NSUN6: variants seen among roughly 807,000 people sequenced by gnomAD.
The protein encoded by NSUN6 is tRNA (cytosine(72)-C(5))-methyltransferase NSUN6.
NSUN6 carries 64 observed loss-of-function variants against 58.0 expected under a neutral mutation model. The ratio of observed to expected loss-of-function variants is 1.10; its 90% CI spans 0.90 to 1.36. The LOEUF (loss-of-function observed/expected upper bound fraction) is 1.36, where lower values mean the gene tolerates loss of function less well. Among genes scored for constraint, NSUN6 ranks in the 40% most tolerant of loss-of-function variants. NSUN6 has a pLI of 0.00. For synonymous variants in NSUN6, 231 were observed against 193.9 expected, an observed-to-expected ratio of 1.19 and a Z score of -1.59; for missense variants, 701 against 550.1, an observed-to-expected ratio of 1.27 and a Z score of -2.74.
intron 9 of NSUN6, among the ~76,000 whole-genome samples, chr10:18,551,044 A>T (rs1201439293): frequency 1.3e-5 from 2 of 152,160 alleles, no homozygotes; most frequent in Non-Finnish European, 2.9e-5. Context: ...ATTTTTTTAA[A>T]AAAAAGAGTA....
intron 9 of NSUN6, among the ~76,000 whole-genome samples, chr10:18,549,706 G>C (rs889138487): frequency 6.6e-6 from 1 of 152,074 alleles, no homozygotes; most frequent in Non-Finnish European, 1.5e-5. Context: ...AAATGGACTT[G>C]TCTGAAATAC....
intron 2 of NSUN6, among the ~76,000 whole-genome samples, chr10:18,644,153 G>A (rs1406567236): frequency 6.6e-6 from 1 of 152,154 alleles, no homozygotes; most frequent in African/African-American, 2.4e-5. Context: ...CACGCTCACT[G>A]GCAGTCAATC....
intron 7 of NSUN6, among the ~76,000 whole-genome samples, chr10:18,587,674 G>C (rs1161261124): frequency 6.6e-6 from 1 of 152,122 alleles, no homozygotes; most frequent in African/African-American, 2.4e-5. Flanking sequence ...ACTCACCCAG[G>C]AAGTGCAAGC....
intron 6 of NSUN6, among the ~76,000 whole-genome samples, chr10:18,600,648 G>A (rs1202353831): frequency 6.6e-6 from 1 of 151,126 alleles, no homozygotes; most frequent in East Asian, 2.0e-4. Context: ...CTACTACCTG[G>A]CCGGTGCAGT....
At chr10:18,648,192 C>T (rs1266862523) in intron 2 of NSUN6, among the ~76,000 whole-genome samples, 1 of 152,184 alleles carries the variant, frequency 6.6e-6, no homozygotes, top group Admixed American at 6.5e-5. Context: ...TAAGGTTAGA[C>T]TGGACTTCTT....
At chr10:18,572,219 T>A (rs1164247822) in intron 8 of NSUN6, among the ~76,000 whole-genome samples, 2 of 145,440 alleles carry the variant, frequency 1.4e-5, no homozygotes, top group Non-Finnish European at 3.0e-5. Context: ...AATTCATTGT[T>A]CACTCCATTC....
At chr10:18,602,894 G>C (rs1380195623) in intron 6 of NSUN6, among the ~76,000 whole-genome samples, 1 of 152,168 alleles carries the variant, frequency 6.6e-6, no homozygotes, top group Admixed American at 6.6e-5. Context: ...CAAGTGGTAA[G>C]TCAAAGTTAT....
chr10:18,638,031 A>C (rs139120365), intron 3 of NSUN6, among the ~76,000 whole-genome samples: 231 of 152,308 alleles, frequency 1.5e-3, no homozygotes, highest in African/African-American at 2.9e-3. Flanking sequence ...GATTACTTTT[A>C]TATTTATGTA....
intron 8 of NSUN6, among the ~76,000 whole-genome samples, chr10:18,561,949 G>C (rs1490584287): frequency 1.3e-5 from 2 of 149,480 alleles, no homozygotes; most frequent in Non-Finnish European, 3.0e-5. Flanking sequence ...GAATGGAAAA[G>C]AGTGGAATGG....
chr10:18,610,251 G>A (rs1009348650), intron 5 of NSUN6, among the ~76,000 whole-genome samples: 3 of 152,072 alleles, frequency 2.0e-5, no homozygotes, highest in Admixed American at 2.0e-4. Context: ...AGGAGGCTGA[G>A]ACAGGAGAAT....
intron 8 of NSUN6, among the ~76,000 whole-genome samples, chr10:18,564,608 T>C (rs756259663): frequency 1.3e-5 from 2 of 151,180 alleles, no homozygotes; most frequent in Non-Finnish European, 3.0e-5. Context: ...TTCCGTACCA[T>C]TCTCCATTCC....
At position 18,574,082 on chromosome 10, in the gene NSUN6, A is replaced by G. The variant is rs545959854; in HGVS notation, c.922+11867T>C. Among the ~76,000 whole-genome samples the G allele has an allele frequency of 2.0e-5, 3 of 152,204 alleles. No homozygotes were observed. The East Asian group carries it at 5.8e-4, about 30-fold the overall frequency. On this transcript the variant is annotated intron_variant, in intron 8 of 10. Coordinates refer to ENST00000377304, the MANE Select transcript of NSUN6 (RefSeq NM_182543.5). ...ATTCCACCTTTTTGTTAATGTGGAC[A>G]GTGGAGTAGCTTTAGGAGTGCTGAC...
chr10:18,572,368 CATTCCATTCCATTTTCT>C (rs1314619186), intron 8 of NSUN6, among the ~76,000 whole-genome samples: 8 of 151,330 alleles, frequency 5.3e-5, no homozygotes, highest in Admixed American at 2.0e-4. Flanking sequence ...TTCCATTCTC[CATTCCATTCCATTTTCT>C]ATTCCATTCC....
chr10:18,552,502 TCAGTA>T (rs2054668028), intron 8 of NSUN6, among the ~76,000 whole-genome samples: 1 of 152,168 alleles, frequency 6.6e-6, no homozygotes, highest in Non-Finnish European at 1.5e-5. Context: ...TGCATTCACT[TCAGTA>T]ATTTTCTCTA....
At position 18,585,967 on chromosome 10, in the gene NSUN6, T is replaced by A. The variant is rs769949582; in HGVS notation, c.904A>T (p.Met302Leu). 6.8e-6 allele frequency: 11 copies of A among 1,607,070 alleles called. No individual in the cohort carries two copies. Among genetic ancestry groups the A allele is most frequent in the African/African-American group, 6.7e-5 (5 of 74,524 alleles). ...AGCTCACCTTCTGTGTCCTCCACCA[T>A]ATCAAGTTTAACCGCCTTTGTTCCA... Reference protein sequence around the residue: ...FDGTKAVKLDMVEDTEGEPPF... With the variant: ...FDGTKAVKLDLVEDTEGEPPF... The change falls in exon 8 of 11, where the codon ATG becomes TTG. Residue 302 changes from methionine to leucine, a missense_variant. By Grantham distance (15) the Met-to-Leu change is conservative. Coordinates refer to ENST00000377304, the MANE Select transcript of NSUN6 (RefSeq NM_182543.5).
Position 18,601,719 on chromosome 10 carries a change from A to C in NSUN6, c.658-5392T>G, listed in dbSNP as rs980876131. On this transcript the variant is annotated intron_variant, in intron 6 of 10. Coordinates refer to ENST00000377304, the MANE Select transcript of NSUN6 (RefSeq NM_182543.5). ...GAAATAAGGCTGGGTCTGGTGGCTC[A>C]TGCCTGTAATCCCAGGACTTCGGGA... is the stretch of plus-strand genomic sequence containing the variant. Among the ~76,000 whole-genome samples, 4 of 152,240 alleles carry C rather than the reference A, an allele frequency of 2.6e-5. No individual in the cohort carries two copies. In the South Asian group the frequency reaches 8.3e-4, roughly 32 times the overall value.
intron 6 of NSUN6, among the ~76,000 whole-genome samples, chr10:18,601,448 G>A (rs1280160161): frequency 1.3e-5 from 2 of 152,062 alleles, no homozygotes; most frequent in Non-Finnish European, 2.9e-5. Context: ...CCAAGGAACC[G>A]AGTGTTTCAG....
chr10:18,643,952 T>C (rs1025270131), intron 2 of NSUN6, among the ~76,000 whole-genome samples: 3 of 152,346 alleles, frequency 2.0e-5, no homozygotes, highest in Non-Finnish European at 4.4e-5. Flanking sequence ...CACGTTTTTT[T>C]CCAAACCAAG....
chr10:18,604,822 G>A (rs2057985186), intron 6 of NSUN6, among the ~76,000 whole-genome samples: 1 of 151,648 alleles, frequency 6.6e-6, no homozygotes. Flanking sequence ...GGAGGGGGAG[G>A]TTGCAGTGAG....
Sources: allele counts gnomAD v4.1 joint callset (sites outside exome capture counted in the v4.1 genomes callset), GRCh38; gene constraint gnomAD v4.1.1; transcripts MANE v1.5; gene names NCBI Gene and HGNC (gene_info 2026-07-23, HGNC 2026-07-21).